PDE4D: variants seen among roughly 807,000 people sequenced by gnomAD.
PDE4D encodes the protein 3',5'-cyclic-AMP phosphodiesterase 4D.
A neutral mutation model predicts 87.4 loss-of-function variants in PDE4D; 24 were observed. That is an observed-to-expected ratio of 0.27 (90% CI 0.20 to 0.39). The LOEUF (loss-of-function observed/expected upper bound fraction) is 0.39, where lower values mean the gene tolerates loss of function less well. PDE4D is among the 10% of genes least tolerant of loss of function. The pLI, the probability that PDE4D is intolerant of heterozygous loss-of-function variation, is 1.00. For synonymous variants in PDE4D, 384 were observed against 383.2 expected (o/e 1.00, Z -0.02); for missense variants, 714 against 1,041.0 (o/e 0.69, Z 4.32).
At chr5:60,264,664 A>G (rs1221472307) in intron 1 of PDE4D, among the ~76,000 whole-genome samples, 1 of 152,174 alleles carries the variant, frequency 6.6e-6, no homozygotes, top group Admixed American at 6.5e-5. Flanking sequence ...TCAATCTAAC[A>G]CTGAGATGGC....
intron 1 of PDE4D, among the ~76,000 whole-genome samples, chr5:59,757,611 G>C (rs1346865443): frequency 6.6e-6 from 1 of 152,146 alleles, no homozygotes; most frequent in African/African-American, 2.4e-5. Flanking sequence ...AGTCAGGCCA[G>C]ATCTTGTTAC....
At chr5:60,183,698 T>G (rs555989437) in intron 2 of PDE4D, among the ~76,000 whole-genome samples, 89 of 152,344 alleles carry the variant, frequency 5.8e-4, no homozygotes, top group African/African-American at 2.1e-3. Flanking sequence ...CATCCTCAGA[T>G]TCTAAAGAGA....
intron 1 of PDE4D, among the ~76,000 whole-genome samples, chr5:59,540,682 G>A (rs1421702141): frequency 2.0e-5 from 3 of 152,124 alleles, no homozygotes; most frequent in African/African-American, 7.2e-5. Flanking sequence ...CACAAAGGAA[G>A]GGGAAGATTT....
At chr5:60,082,238 C>A (rs568825691) in intron 2 of PDE4D, among the ~76,000 whole-genome samples, 31 of 152,068 alleles carry the variant, frequency 2.0e-4, no homozygotes, top group Non-Finnish European at 3.8e-4. Flanking sequence ...AAGGCAGAGT[C>A]CTAATAAATG....
At chr5:59,781,784 CAAAAAAA>C (rs58613622) in intron 1 of PDE4D, among the ~76,000 whole-genome samples, 13 of 39,894 alleles carry the variant, frequency 3.3e-4, no homozygotes, top group Admixed American at 4.5e-4. Flanking sequence ...CACTCCATCT[CAAAAAAA>C]AAAAAAAAAA....
At chr5:59,284,710 G>A (rs1218966965) in intron 1 of PDE4D, among the ~76,000 whole-genome samples, 1 of 116,024 alleles carries the variant, frequency 8.6e-6, no homozygotes, top group Non-Finnish European at 1.8e-5. Context: ...TCCCATTACT[G>A]GGTATATACC....
intron 1 of PDE4D, among the ~76,000 whole-genome samples, chr5:59,545,316 A>G (rs1276076080): frequency 6.6e-6 from 1 of 152,132 alleles, no homozygotes; most frequent in Non-Finnish European, 1.5e-5. Context: ...TGGGTTTTCA[A>G]TGCAGAAATG....
intron 1 of PDE4D, among the ~76,000 whole-genome samples, chr5:59,456,039 G>A (rs1799879339): frequency 6.6e-6 from 1 of 152,206 alleles, no homozygotes; most frequent in Admixed American, 6.5e-5. Context: ...CCTTGTCTCA[G>A]ATGAGATGTA....
At position 59,053,645 on chromosome 5, in the gene PDE4D, G is replaced by GTTTTT. The variant is rs1338731940; in HGVS notation, c.809-14679_809-14675dup. 1.1e-3 allele frequency among the ~76,000 whole-genome samples: 75 copies of GTTTTT among 68,778 alleles called. 3 individuals carry two copies. Among genetic ancestry groups the GTTTTT allele is most frequent in the African/African-American group, 2.1e-3 (40 of 19,368 alleles). 45.1% of individuals were successfully genotyped at this position (68,778 alleles called of 152,430 possible). On this transcript the variant is annotated intron_variant, in intron 5 of 14. Coordinates refer to ENST00000340635, the MANE Select transcript of PDE4D (RefSeq NM_001104631.2). ...TATGAATTAAGTTGTTTTGTTTTTT[G>GTTTTT]TTTTTTTTTGTTGTTGTTTTTTTTT...
chr5:59,655,104 A>G (rs1211606395), intron 1 of PDE4D, among the ~76,000 whole-genome samples: 1 of 152,142 alleles, frequency 6.6e-6, no homozygotes, highest in Non-Finnish European at 1.5e-5. Context: ...AATTTGAGGA[A>G]CTACAATATT....
intron 5 of PDE4D, among the ~76,000 whole-genome samples, chr5:59,144,184 C>T (rs1778297025): frequency 6.6e-6 from 1 of 152,174 alleles, no homozygotes; most frequent in East Asian, 1.9e-4. Flanking sequence ...TTAACTAAGG[C>T]AGTCAGTTGT....
At chr5:59,536,933 T>C (rs1383323156) in intron 1 of PDE4D, among the ~76,000 whole-genome samples, 2 of 152,222 alleles carry the variant, frequency 1.3e-5, no homozygotes, top group Non-Finnish European at 2.9e-5. Context: ...ATACTTGGTA[T>C]ATGAACCATT....
chr5:60,021,294 C>A (rs1379256298), intron 2 of PDE4D: 1 of 152,222 alleles, frequency 6.6e-6, no homozygotes, highest in Non-Finnish European at 1.5e-5. Flanking sequence ...ACAAGAACAA[C>A]TGGACACAGC....
At chr5:59,824,020 G>A (rs1399457710) in intron 1 of PDE4D, among the ~76,000 whole-genome samples, 4 of 151,532 alleles carry the variant, frequency 2.6e-5, no homozygotes, top group Non-Finnish European at 5.9e-5. Flanking sequence ...CTCACTGTGG[G>A]AAAACATCTT....
intron 5 of PDE4D, among the ~76,000 whole-genome samples, chr5:59,050,554 G>A (rs1442442393): frequency 6.6e-6 from 1 of 152,156 alleles, no homozygotes; most frequent in Non-Finnish European, 1.5e-5. Flanking sequence ...CTCCATACAC[G>A]AATAAGATAA....
At chr5:59,749,754 AC>A (rs1212519893) in intron 1 of PDE4D, among the ~76,000 whole-genome samples, 2 of 152,112 alleles carry the variant, frequency 1.3e-5, no homozygotes, top group Admixed American at 6.5e-5. Context: ...AATACCACCT[AC>A]ATTTTAATAA....
intron 1 of PDE4D, among the ~76,000 whole-genome samples, chr5:59,232,016 T>C (rs1339243955): frequency 6.6e-6 from 1 of 152,180 alleles, no homozygotes; most frequent in East Asian, 1.9e-4. Context: ...AATTTGTCTC[T>C]GGATTACAGA....
At chr5:59,388,360 A>C (rs1339374654) in intron 1 of PDE4D, among the ~76,000 whole-genome samples, 5 of 152,086 alleles carry the variant, frequency 3.3e-5, no homozygotes, top group Admixed American at 2.6e-4. Flanking sequence ...AAGGATGTGG[A>C]GAAAAGGGAA....
intron 1 of PDE4D, among the ~76,000 whole-genome samples, chr5:59,820,522 T>G (rs1249326978): frequency 6.6e-6 from 1 of 152,218 alleles, no homozygotes; most frequent in Non-Finnish European, 1.5e-5. Flanking sequence ...GGTTTCTAAG[T>G]AAAAAGCAAC....
Sources: gnomAD v4.1 joint callset for allele counts (sites outside exome capture counted in the v4.1 genomes callset) on GRCh38, gnomAD v4.1.1 for gene constraint, MANE v1.5 for transcripts, NCBI Gene and HGNC (gene_info 2026-07-23, HGNC 2026-07-21) for gene names.